The following CAMTA2 variants were observed in gnomAD, a reference collection of about 807,000 sequenced individuals.
CAMTA2 encodes the protein calmodulin-binding transcription activator 2.
In CAMTA2, 56 loss-of-function variants were observed where a neutral mutation model predicts 135.7. That is an observed-to-expected ratio of 0.41 (90% CI 0.33 to 0.52). CAMTA2 has a LOEUF of 0.52. CAMTA2 is among the 20% of genes least tolerant of loss of function. CAMTA2 has a pLI of 0.16. For missense variants in CAMTA2, 1,358 were observed against 1,553.4 expected, an observed-to-expected ratio of 0.87 and a Z score of 2.11; for synonymous variants, 591 against 604.6, an observed-to-expected ratio of 0.98 and a Z score of 0.33.
rs1238573346 is a variant in CAMTA2, at chr17:4,969,099, G to T, written c.3470+51C>A. 1 of 1,581,358 alleles carries T rather than the reference G, an allele frequency of 6.3e-7. No homozygotes were observed. On this transcript the variant is annotated intron_variant, in intron 21 of 22. Coordinates refer to ENST00000348066, the MANE Select transcript of CAMTA2 (RefSeq NM_015099.4). This position sits in a 1 kb window ranked among gnomAD's most constrained non-coding sequence, Gnocchi z 5.6. ...GATGATCAAGAGGATGAGTAAGGGG[G>T]AATGGCGTGGATGCAGTGGGTGGGC...
In CAMTA2 at chr17:4,981,695, C is replaced by G. The variant is rs773359287; in HGVS notation, c.548G>C (p.Gly183Ala). The change falls in exon 7 of 23, where the codon GGA becomes GCA. Residue 183 changes from glycine to alanine, a missense_variant. By Grantham distance (60) the Gly-to-Ala change is moderately conservative. Transcript: ENST00000348066. ...WLKWSREELL[G>A]QLKPMFHGIK... ...TGCCTTACACATGGGCTTCAGCTGT[C>G]CCAACAACTCCTCCCGGGACCACTT... The G allele has an allele frequency of 1.0e-5, 16 of 1,607,342 alleles. No individual in the cohort carries two copies. Among genetic ancestry groups the G allele is most frequent in the Admixed American group, 1.7e-5 (1 of 58,468 alleles).
chr17:4,973,797 A>T, intron 12 of CAMTA2, 28 bp from the exon 13 acceptor site: 1 of 1,549,564 alleles, frequency 6.5e-7, no homozygotes, highest in Non-Finnish European at 8.7e-7. Flanking sequence ...TTAGGCAGAG[A>T]CCCAGGTATC....
intron 7 of CAMTA2, 65 bp from the exon 8 acceptor site, chr17:4,981,424 C>T: frequency 2.5e-6 from 4 of 1,582,938 alleles, no homozygotes; most frequent in Non-Finnish European, 3.4e-6. Flanking sequence ...ACCTTGATGG[C>T]TCCTCCAAGC....
chr17:4,975,620 C>G (rs1972566250), intron 11 of CAMTA2, among the ~76,000 whole-genome samples: 1 of 152,034 alleles, frequency 6.6e-6, no homozygotes, highest in African/African-American at 2.4e-5. Context: ...ACAAGCAACC[C>G]AACACACTCG....
At chr17:4,987,217 G>A (rs568477528) in intron 1 of CAMTA2, 14 of 1,341,138 alleles carry the variant, frequency 1.0e-5, no homozygotes. Context: ...GCGCCGGATC[G>A]GACGCTTGGC....
rs761224503 is a variant in CAMTA2 at position 4,972,220 on chromosome 17, T to C, written c.2808+12A>G. ...CTTCTAGCCCCCATAACTCCATCAATATAAGCAGTACCGGGATCACATCCA... is the reference window on the plus strand; with the variant it reads ...CTTCTAGCCCCCATAACTCCATCAACATAAGCAGTACCGGGATCACATCCA... On this transcript the variant is annotated intron_variant, in intron 16 of 22. Transcript: ENST00000348066. The C allele has an allele frequency of 6.8e-6, 11 of 1,608,196 alleles. No homozygotes were observed. Among genetic ancestry groups the C allele is most frequent in the African/African-American group, 5.4e-5 (4 of 74,706 alleles).
Position 4,986,680 on chromosome 17 carries a change from G to C in CAMTA2, c.-64-394C>G, listed in dbSNP as rs545741044. 1.1e-5 allele frequency: 6 copies of C among 540,950 alleles called. No homozygotes were observed. The South Asian group carries it at 1.4e-4, about 12-fold the overall frequency. 33.5% of individuals were successfully genotyped at this position (540,950 alleles called of 1,614,324 possible). On this transcript the variant is annotated intron_variant, in intron 1 of 22. Coordinates refer to ENST00000348066, the MANE Select transcript of CAMTA2 (RefSeq NM_015099.4). ...TTGGCAAGAGAGCCTGGATCCTGGGGGCAGGGCAGGAGATTCTACCTCCGG... is the reference window on the plus strand; with the variant it reads ...TTGGCAAGAGAGCCTGGATCCTGGGCGCAGGGCAGGAGATTCTACCTCCGG...
chr17:4,968,235 C>T lies in CAMTA2; in HGVS notation c.*521G>A. 1 of 256,458 alleles carries T rather than the reference C, an allele frequency of 3.9e-6. No homozygotes were observed. Among genetic ancestry groups the T allele is most frequent in the Non-Finnish European group, 7.6e-6 (1 of 130,894 alleles). 15.9% of individuals were successfully genotyped at this position (256,458 alleles called of 1,614,324 possible). ...CAACGCGTTCCTATGTACACCACCT[C>T]CCCTTCGGCCCTGAGGTCAGTGGCC... On this transcript the variant is annotated 3_prime_UTR_variant, in exon 23 of 23. Coordinates refer to ENST00000348066, the MANE Select transcript of CAMTA2 (RefSeq NM_015099.4).
Position 4,980,261 on chromosome 17 carries a change from A to G in CAMTA2, c.1061T>C (p.Met354Thr). Residue 354 changes from methionine (M) to threonine (T), a missense_variant, in exon 9 of 23, where the codon ATG becomes ACG. This residue lies in a region of CAMTA2 where 1,077 missense variants were observed against 1,127.5 expected (regional missense o/e 0.96). Transcript: ENST00000348066. The surrounding 1 kb of genome is among the most constrained non-coding windows in gnomAD (Gnocchi z 5.3). ...AGTGCCTACAACCACTGCCAAACTC[A>G]TGGAAGGCCTAGGATCAGCCTGTGG... is the stretch of plus-strand genomic sequence containing the variant. ...LAPQADPRPSMSLAVVVGTEP... is the reference protein window; with the variant it reads ...LAPQADPRPSTSLAVVVGTEP... 2 of 1,593,384 alleles carry G rather than the reference A, an allele frequency of 1.3e-6. No individual in the cohort carries two copies. The highest frequency in any genetic ancestry group is 1.7e-6 in the Non-Finnish European group (2 of 1,167,830).
intron 14 of CAMTA2, 80 bp downstream of exon 14, chr17:4,973,095 C>T (rs188792997): frequency 7.4e-5 from 111 of 1,504,158 alleles, no homozygotes; most frequent in Middle Eastern, 5.4e-4. Context: ...CCACTCCCTG[C>T]ATTCCTCAGG....
At position 4,973,644 on chromosome 17, in the gene CAMTA2, A is replaced by G; in HGVS notation, c.2142T>C (p.Leu714=). ...AGCCCTGGGCAGCAGCCAGGTGCAG[A>G]AGGCTCATGCCCCGGAAGGGGCTTC... ...AHGSPFRGMS[L]LHLAAAQGYA... Residue 714 remains leucine, a synonymous_variant, in exon 13 of 23, where the codon CTT becomes CTC. Coordinates refer to ENST00000348066, the MANE Select transcript of CAMTA2 (RefSeq NM_015099.4). 6.2e-7 allele frequency: 1 copy of G among 1,614,176 alleles called. No individual in the cohort carries two copies. The highest frequency in any genetic ancestry group is 8.5e-7 in the Non-Finnish European group (1 of 1,180,024).
In CAMTA2 at chr17:4,980,060, G is replaced by A. The variant is rs748416050; in HGVS notation, c.1262C>T (p.Pro421Leu). ...TGGGGGACCCCGAGCAGCTGCCTGG[G>A]GCTCCAGGGCAGCAGCAGGCTCTAG... ...SALEPAAALE[P>L]QAAARGPPPQ... Residue 421 changes from proline to leucine, a missense_variant, in exon 9 of 23, where the codon CCC (proline) becomes CTC (leucine). Pro to Leu is a moderately conservative substitution (Grantham distance 98). Coordinates refer to ENST00000348066, the MANE Select transcript of CAMTA2 (RefSeq NM_015099.4). The surrounding 1 kb of genome is among the most constrained non-coding windows in gnomAD (Gnocchi z 5.3). 5 of 1,613,778 alleles carry A rather than the reference G, an allele frequency of 3.1e-6. No homozygotes were observed. Among genetic ancestry groups the A allele is most frequent in the Non-Finnish European group, 4.2e-6 (5 of 1,179,914 alleles).
chr17:4,982,609 T>C, intron 5 of CAMTA2, 148 bp downstream of exon 5: 1 of 869,654 alleles, frequency 1.1e-6, no homozygotes, highest in Non-Finnish European at 1.7e-6. Context: ...CAAAGCAATG[T>C]CAGCCGACCC....
Position 4,980,425 on chromosome 17 carries a change from T to C in CAMTA2, c.897A>G (p.Ser299=). The change falls in exon 9 of 23, where the codon TCA becomes TCG. Residue 299 remains serine (S), a synonymous_variant. Transcript: ENST00000348066. The surrounding 1 kb of genome is among the most constrained non-coding windows in gnomAD (Gnocchi z 5.3). ...SPSSSSSSSS[S]GFAEPLEIRP... is the part of the protein sequence containing the mutation. ...TGATTTCTAGGGGCTCTGCAAAACCTGATGAGGAGGAAGAAGAGGAAGAAG... is the reference window on the plus strand; with the variant it reads ...TGATTTCTAGGGGCTCTGCAAAACCCGATGAGGAGGAAGAAGAGGAAGAAG... 1.2e-6 allele frequency: 2 copies of C among 1,609,302 alleles called. No individual in the cohort carries two copies. The highest frequency in any genetic ancestry group is 1.7e-6 in the Non-Finnish European group (2 of 1,179,388).
chr17:4,982,627 G>A (rs1376895987), intron 5 of CAMTA2, 130 bp downstream of exon 5: 2 of 1,005,346 alleles, frequency 2.0e-6, no homozygotes, highest in African/African-American at 3.3e-5. Context: ...CCCAAAGTGA[G>A]TGAGAAGGGA....
At chr17:4,974,314 C>G in intron 12 of CAMTA2, 71 bp downstream of exon 12, 3 of 957,604 alleles carry the variant, frequency 3.1e-6, no homozygotes, top group Non-Finnish European at 1.7e-6. Context: ...GTCATGGGCA[C>G]TAGATGTTTT....
At chr17:4,987,302 G>A (rs1033634630) in intron 1 of CAMTA2, 2 of 1,344,838 alleles carry the variant, frequency 1.5e-6, no homozygotes, top group Non-Finnish European at 1.9e-6. Flanking sequence ...CCGCATAGAG[G>A]GATGTTCTGG....
In CAMTA2 at chr17:4,972,282, C is replaced by T. The variant is rs770853831; in HGVS notation, c.2758G>A (p.Gly920Arg). Residue 920 changes from glycine (G) to arginine (R), a missense_variant, in exon 16 of 23, where the codon GGG becomes AGG. By Grantham distance (125) the Gly-to-Arg change is moderately radical. Around this residue, in one of 4 missense-constraint regions of CAMTA2, gnomAD observed 1,077 missense variants for 1,127.5 expected, o/e 0.96. Transcript: ENST00000348066. ...LPALPPASDD[G>R]AAPEDADSPQ... ...CTGTCAGCGTCCTCTGGAGCAGCCC[C>T]ATCATCTGAAGCTGGTGGGAGGGCA... 1.2e-6 allele frequency: 2 copies of T among 1,614,072 alleles called. No homozygotes were observed. Among genetic ancestry groups the T allele is most frequent in the Non-Finnish European group, 1.7e-6 (2 of 1,179,986 alleles).
chr17:4,987,266 G>A (rs1000453724), intron 1 of CAMTA2: 18 of 1,343,652 alleles, frequency 1.3e-5, no homozygotes, highest in Non-Finnish European at 1.7e-5. Context: ...GGTCCCAGGA[G>A]AACCTCCGAG....
Sources: allele counts gnomAD v4.1 joint callset (sites outside exome capture counted in the v4.1 genomes callset), GRCh38; gene constraint gnomAD v4.1.1; regional missense constraint gnomAD v4.1.1; non-coding constraint Gnocchi (gnomAD v3.1); transcripts MANE v1.5; gene names NCBI Gene and HGNC (gene_info 2026-07-23, HGNC 2026-07-21).